Variants in IL1RAPL1 observed in about 807,000 individuals in gnomAD.
IL1RAPL1 encodes the protein interleukin-1 receptor accessory protein-like 1.
In IL1RAPL1, 3 loss-of-function variants were observed where a neutral mutation model predicts 48.4. That is an observed-to-expected ratio of 0.06 (90% CI 0.03 to 0.16). IL1RAPL1 has a LOEUF of 0.16. IL1RAPL1 is among the 10% of genes least tolerant of loss of function. IL1RAPL1 has a pLI of 1.00. For missense variants in IL1RAPL1, 349 were observed against 530.6 expected, an observed-to-expected ratio of 0.66 and a Z score of 3.36; for synonymous variants, 185 against 187.7, an observed-to-expected ratio of 0.99 and a Z score of 0.12.
intron 6 of IL1RAPL1, among the ~76,000 whole-genome samples, chrX:29,677,510 T>C (rs1173735777): frequency 1.8e-5 from 2 of 112,237 alleles, no homozygotes; most frequent in African/African-American, 6.5e-5. Context: ...AACTCTGTGG[T>C]GAATAATTTT....
At chrX:28,624,830 G>A (rs986635537) in intron 1 of IL1RAPL1, among the ~76,000 whole-genome samples, 3 of 111,886 alleles carry the variant, frequency 2.7e-5, no homozygotes, top group African/African-American at 6.5e-5. Flanking sequence ...ACTCTGAACC[G>A]ACAGCAGTTA....
intron 6 of IL1RAPL1, among the ~76,000 whole-genome samples, chrX:29,831,187 T>C (rs781399286): frequency 3.8e-4 from 42 of 111,710 alleles, no homozygotes; most frequent in African/African-American, 1.3e-3. Context: ...TGCTAAGGTA[T>C]TGTGTGAGCA....
At chrX:28,809,644 G>A (rs1194971520) in intron 2 of IL1RAPL1, among the ~76,000 whole-genome samples, 1 of 110,651 alleles carries the variant, frequency 9.0e-6, no homozygotes. Context: ...ATGATTGGAG[G>A]AGTAAAATGG....
chrX:29,249,938 A>G (rs1028696879), intron 2 of IL1RAPL1, among the ~76,000 whole-genome samples: 2 of 112,156 alleles, frequency 1.8e-5, no homozygotes, highest in Non-Finnish European at 3.8e-5. Flanking sequence ...GTATTACACA[A>G]TTTACATCAA....
At chrX:29,466,243 C>G (rs1421429399) in intron 5 of IL1RAPL1, among the ~76,000 whole-genome samples, 1 of 111,984 alleles carries the variant, frequency 8.9e-6, no homozygotes, top group East Asian at 2.8e-4. Flanking sequence ...CAATGGTGTT[C>G]AATCCATATT....
chrX:29,425,573 TA>T (rs764286351), intron 5 of IL1RAPL1, among the ~76,000 whole-genome samples: 2 of 110,944 alleles, frequency 1.8e-5, no homozygotes. Context: ...TTAGCTTTTT[TA>T]AAAAAAAGTA....
At chrX:29,859,452 A>C (rs1931535578) in intron 6 of IL1RAPL1, among the ~76,000 whole-genome samples, 1 of 111,228 alleles carries the variant, frequency 9.0e-6, no homozygotes, top group African/African-American at 3.3e-5. Flanking sequence ...TGTAATGGAG[A>C]TCACCAAAAG....
Position 29,299,226 on chromosome X carries a change from C to A in IL1RAPL1, c.362+16009C>A, listed in dbSNP as rs182090082. Reference sequence around the variant, plus strand: ...AGCTTGCAGACAGCCTATTAAGGGACCTTGTGATCATGTGAATTAATACTT... The same window carrying A: ...AGCTTGCAGACAGCCTATTAAGGGAACTTGTGATCATGTGAATTAATACTT... On this transcript the variant is annotated intron_variant, in intron 3 of 10. Coordinates refer to ENST00000378993, the MANE Select transcript of IL1RAPL1 (RefSeq NM_014271.4). Among the ~76,000 whole-genome samples, 72 of 110,908 alleles carry A rather than the reference C, an allele frequency of 6.5e-4. No individual in the cohort carries two copies. The East Asian group carries it at 0.014, about 22-fold the overall frequency.
intron 2 of IL1RAPL1, among the ~76,000 whole-genome samples, chrX:29,170,181 A>G (rs1929880610): frequency 9.0e-6 from 1 of 111,716 alleles, no homozygotes; most frequent in Non-Finnish European, 1.9e-5. Context: ...ATCAACAATG[A>G]TCTTTTTCCT....
At chrX:29,548,286 T>C (rs1351796673) in intron 5 of IL1RAPL1, among the ~76,000 whole-genome samples, 1 of 112,607 alleles carries the variant, frequency 8.9e-6, no homozygotes, top group Non-Finnish European at 1.9e-5. Flanking sequence ...AAACTAGTTC[T>C]GATCATCTGG....
intron 2 of IL1RAPL1, among the ~76,000 whole-genome samples, chrX:29,168,754 T>TATATATTCATATGTACAATTGTATAC (rs1929846625): frequency 2.1e-5 from 2 of 96,753 alleles, no homozygotes; most frequent in African/African-American, 7.2e-5. Context: ...CAATTGTATA[T>TATATATTCATATGTACAATTGTATAC]ATATATTCAT....
chrX:28,836,334 T>TTTTA (rs1491103346), intron 2 of IL1RAPL1, among the ~76,000 whole-genome samples: 1,744 of 56,508 alleles, frequency 0.031, 88 homozygotes, highest in African/African-American at 0.19. Flanking sequence ...TGCTTCCCAA[T>TTTTA]TTTATATATA....
intron 2 of IL1RAPL1, among the ~76,000 whole-genome samples, chrX:28,841,121 A>G (rs1332052509): frequency 9.0e-6 from 1 of 110,969 alleles, no homozygotes; most frequent in Non-Finnish European, 1.9e-5. Context: ...TTGAAGGAAA[A>G]CTATAAATCT....
chrX:29,371,034 A>G (rs753102350), intron 3 of IL1RAPL1, among the ~76,000 whole-genome samples: 5 of 109,478 alleles, frequency 4.6e-5, no homozygotes, highest in Non-Finnish European at 7.6e-5. Context: ...CTGCTCTTCT[A>G]GCTATTTGAA....
At chrX:29,267,853 C>T (rs1931981318) in intron 2 of IL1RAPL1, among the ~76,000 whole-genome samples, 1 of 111,583 alleles carries the variant, frequency 9.0e-6, no homozygotes, top group African/African-American at 3.3e-5. Flanking sequence ...CTTCCATTAT[C>T]TCACAGAACC....
chrX:29,207,571 C>A (rs1307240943), intron 2 of IL1RAPL1, among the ~76,000 whole-genome samples: 1 of 112,040 alleles, frequency 8.9e-6, no homozygotes, highest in African/African-American at 3.2e-5. Context: ...ACCTTAATTT[C>A]TTTCTTACGA....
intron 2 of IL1RAPL1, among the ~76,000 whole-genome samples, chrX:28,940,003 C>T (rs1270050207): frequency 9.0e-6 from 1 of 111,655 alleles, no homozygotes; most frequent in African/African-American, 3.2e-5. Context: ...CTTTGTCTTT[C>T]ACTTCAAAGC....
intron 5 of IL1RAPL1, among the ~76,000 whole-genome samples, chrX:29,538,595 C>T (rs916580918): frequency 5.5e-5 from 6 of 108,270 alleles, no homozygotes; most frequent in African/African-American, 2.0e-4. Flanking sequence ...ACCTCGGCCT[C>T]CCAAAGTGCT....
intron 8 of IL1RAPL1, among the ~76,000 whole-genome samples, chrX:29,934,046 G>GA (rs1287487260): frequency 4.5e-4 from 46 of 101,958 alleles, no homozygotes; most frequent in Non-Finnish European, 6.5e-4. Flanking sequence ...TATGGTAAAT[G>GA]AAAAAAAAAA....
Sources: allele counts gnomAD v4.1 joint callset (sites outside exome capture counted in the v4.1 genomes callset), GRCh38; gene constraint gnomAD v4.1.1; transcripts MANE v1.5; gene names NCBI Gene and HGNC (gene_info 2026-07-23, HGNC 2026-07-21).